Variants in TBC1D22A observed in about 807,000 individuals in gnomAD.
The protein encoded by TBC1D22A is TBC1 domain family member 22A.
A neutral mutation model predicts 60.2 loss-of-function variants in TBC1D22A; 38 were observed. The observed-to-expected ratio is 0.63, with a 90% CI of 0.49 to 0.83. TBC1D22A has a LOEUF of 0.83. TBC1D22A is among the 40% of genes least tolerant of loss of function. The probability of loss-of-function intolerance (pLI) is 0.00; values close to 1 mark genes in which losing one functional copy is unlikely to be tolerated. For missense variants in TBC1D22A, 628 were observed against 701.0 expected (o/e 0.90, Z 1.18); for synonymous variants, 302 against 281.7 (o/e 1.07, Z -0.72).
chr22:46,891,456 G>A, intron 6 of TBC1D22A, 62 bp downstream of exon 6: 1 of 1,506,312 alleles, frequency 6.6e-7, no homozygotes, highest in South Asian at 1.4e-5. Flanking sequence ...GTGATTTATA[G>A]GAGGAAATGT....
intron 10 of TBC1D22A, among the ~76,000 whole-genome samples, chr22:47,025,825 C>T (rs548592361): frequency 2.6e-5 from 4 of 151,470 alleles, no homozygotes; most frequent in Non-Finnish European, 4.4e-5. Flanking sequence ...GTGTGTCAGA[C>T]GAGGCTGTGC....
intron 8 of TBC1D22A, among the ~76,000 whole-genome samples, chr22:46,970,689 G>A (rs2074012360): frequency 6.6e-6 from 1 of 152,188 alleles, no homozygotes; most frequent in Admixed American, 6.5e-5. Context: ...GAAGGTCTTG[G>A]GTTAAAATCT....
At chr22:47,085,865 A>T (rs1204620495) in intron 11 of TBC1D22A, among the ~76,000 whole-genome samples, 1 of 152,240 alleles carries the variant, frequency 6.6e-6, no homozygotes, top group Non-Finnish European at 1.5e-5. Context: ...TAGACTTTTT[A>T]GAAGAAATCA....
At chr22:47,126,081 A>C (rs1411107660) in intron 12 of TBC1D22A, among the ~76,000 whole-genome samples, 2 of 152,194 alleles carry the variant, frequency 1.3e-5, no homozygotes, top group Non-Finnish European at 2.9e-5. Flanking sequence ...TCCCAGGTTC[A>C]AGTGAGTCTT....
rs111220803 is a variant in TBC1D22A at position 46,941,612 on chromosome 22, A to G, written c.1015+29424A>G. 4.7e-5 allele frequency among the ~76,000 whole-genome samples: 7 copies of G among 148,190 alleles called. No homozygotes were observed. In the East Asian group the frequency reaches 1.4e-3, roughly 29 times the overall value. Reference sequence around the variant, plus strand: ...ATATATACGGAATATATATACGCGGAATATATATACGGAATATATATACGC... The same window carrying G: ...ATATATACGGAATATATATACGCGGGATATATATACGGAATATATATACGC... On this transcript the variant is annotated intron_variant, in intron 8 of 12. Transcript: ENST00000337137.
intron 8 of TBC1D22A, among the ~76,000 whole-genome samples, chr22:46,962,471 G>A (rs136094): frequency 0.19 from 29,371 of 152,202 alleles, 3,045 homozygotes; most frequent in East Asian, 0.27. Flanking sequence ...AAAATGTTCT[G>A]CTCTTTCACC....
intron 8 of TBC1D22A, among the ~76,000 whole-genome samples, chr22:46,938,927 A>G (rs528784926): frequency 6.6e-6 from 1 of 152,124 alleles, no homozygotes; most frequent in East Asian, 1.9e-4. Flanking sequence ...AAATAATAGA[A>G]TGGGAGAATA....
intron 11 of TBC1D22A, among the ~76,000 whole-genome samples, chr22:47,039,704 G>GGAAA (rs778868184): frequency 1.2e-5 from 1 of 81,458 alleles, no homozygotes; most frequent in African/African-American, 4.9e-5. Context: ...TGCATTTCAG[G>GGAAA]AAAAAAAAAA....
chr22:46,859,928 A>G (rs13056099), intron 4 of TBC1D22A, among the ~76,000 whole-genome samples: 5 of 7,982 alleles, frequency 6.3e-4, no homozygotes, highest in Admixed American at 1.3e-3. Flanking sequence ...CCTTCCCGGG[A>G]CCAGAATCCT....
intron 4 of TBC1D22A, among the ~76,000 whole-genome samples, chr22:46,798,045 A>T (rs910648987): frequency 4.6e-5 from 7 of 151,880 alleles, no homozygotes; most frequent in Non-Finnish European, 1.0e-4. Context: ...CAGATTTTTT[A>T]AACAATTTTT....
intron 11 of TBC1D22A, 66 bp from the exon 12 acceptor site, chr22:47,111,442 A>C (rs2065841777): frequency 7.0e-7 from 1 of 1,436,360 alleles, no homozygotes; most frequent in Non-Finnish European, 9.7e-7. Context: ...TGTCGCAGAT[A>C]ACCTCGCAGT....
At position 46,958,197 on chromosome 22, in the gene TBC1D22A, G is replaced by T. The variant is rs73186524; in HGVS notation, c.1016-16093G>T. On this transcript the variant is annotated intron_variant, in intron 8 of 12. Transcript: ENST00000337137. ...TTTCTACATGGCACCCTGCTCTGGC[G>T]GTTGTGACCTCCTGGGAGTTTCGTA... 6.6e-3 allele frequency among the ~76,000 whole-genome samples: 1,003 copies of T among 152,246 alleles called. 4 individuals carry two copies. Among genetic ancestry groups the T allele is most frequent in the Non-Finnish European group, 8.9e-3 (608 of 67,994 alleles).
At chr22:47,031,743 C>G (rs535016285) in intron 10 of TBC1D22A, among the ~76,000 whole-genome samples, 4 of 152,118 alleles carry the variant, frequency 2.6e-5, no homozygotes, top group Non-Finnish European at 5.9e-5. Flanking sequence ...GGTGAGGGGC[C>G]GGGGTCCCCA....
chr22:46,846,345 G>T (rs1253218120), intron 4 of TBC1D22A, among the ~76,000 whole-genome samples: 1 of 152,174 alleles, frequency 6.6e-6, no homozygotes. Flanking sequence ...TGGCGACATC[G>T]CTTACTCACC....
rs78057761 is a variant in TBC1D22A, at chr22:46,853,528, G to T, written c.638-25125G>T. On this transcript the variant is annotated intron_variant, in intron 4 of 12. Transcript: ENST00000337137. ...CCTCCAATAGAGGATCAGCGTGAGG[G>T]AGTGAGGGCTTCACGTCAGCTGCTG... is the stretch of plus-strand genomic sequence containing the variant. 5.0e-3 allele frequency among the ~76,000 whole-genome samples: 759 copies of T among 152,310 alleles called. 4 individuals carry two copies. Among genetic ancestry groups the T allele is most frequent in the Non-Finnish European group, 8.7e-3 (592 of 68,036 alleles).
At chr22:47,159,322 CA>C (rs374786137) in intron 12 of TBC1D22A, among the ~76,000 whole-genome samples, 2 of 78,302 alleles carry the variant, frequency 2.6e-5, no homozygotes, top group African/African-American at 1.2e-4. Flanking sequence ...TACATACACA[CA>C]CATGTATACA....
At chr22:47,072,487 C>T (rs2064037844) in intron 11 of TBC1D22A, among the ~76,000 whole-genome samples, 1 of 152,264 alleles carries the variant, frequency 6.6e-6, no homozygotes, top group Non-Finnish European at 1.5e-5. Context: ...TGGCCTTCCC[C>T]TGAGAGCTTG....
chr22:46,843,285 G>A (rs1335593436), intron 4 of TBC1D22A, among the ~76,000 whole-genome samples: 2 of 152,064 alleles, frequency 1.3e-5, no homozygotes, highest in African/African-American at 4.8e-5. Context: ...ACAGAGCAGC[G>A]CTCAGTCAAG....
intron 10 of TBC1D22A, among the ~76,000 whole-genome samples, chr22:47,018,791 G>A (rs1210809337): frequency 4.6e-5 from 7 of 152,168 alleles, no homozygotes; most frequent in Non-Finnish European, 8.8e-5. Context: ...TGAAAATGGA[G>A]GCGACTGGGA....
Sources: gnomAD v4.1 joint callset for allele counts (sites outside exome capture counted in the v4.1 genomes callset) on GRCh38, gnomAD v4.1.1 for gene constraint, MANE v1.5 for transcripts, NCBI Gene and HGNC (gene_info 2026-07-23, HGNC 2026-07-21) for gene names.